Variants in PDE4D observed in about 807,000 individuals in gnomAD.
PDE4D encodes the protein phosphodiesterase 4D.
PDE4D carries 24 observed loss-of-function variants against 87.4 expected under a neutral mutation model. The observed-to-expected ratio is 0.27, with a 90% CI of 0.20 to 0.39. The LOEUF is 0.39. Among genes scored for constraint, PDE4D ranks in the 10% least tolerant of loss-of-function variants. The probability of loss-of-function intolerance (pLI) is 1.00; values close to 1 mark genes in which losing one functional copy is unlikely to be tolerated. For missense variants in PDE4D, 714 were observed against 1,041.0 expected (o/e 0.69, Z 4.32); for synonymous variants, 384 against 383.2 (o/e 1.00, Z -0.02).
chr5:59,273,374 T>C (rs1764214640), intron 1 of PDE4D, among the ~76,000 whole-genome samples: 2 of 152,224 alleles, frequency 1.3e-5, no homozygotes, highest in South Asian at 4.1e-4. Flanking sequence ...CACAAACATA[T>C]ATTTTCTCTA....
chr5:60,055,554 C>A (rs1195719407), intron 2 of PDE4D, among the ~76,000 whole-genome samples: 1 of 152,000 alleles, frequency 6.6e-6, no homozygotes, highest in Non-Finnish European at 1.5e-5. Flanking sequence ...ATTGGAATAA[C>A]CATAAATGTA....
intron 1 of PDE4D, among the ~76,000 whole-genome samples, chr5:59,759,005 A>T (rs1330372741): frequency 6.6e-6 from 1 of 152,196 alleles, no homozygotes; most frequent in Non-Finnish European, 1.5e-5. Flanking sequence ...ATGTGATTTC[A>T]ATATACTGAA....
At chr5:59,659,975 A>G (rs1744979332) in intron 1 of PDE4D, among the ~76,000 whole-genome samples, 1 of 152,146 alleles carries the variant, frequency 6.6e-6, no homozygotes, top group Non-Finnish European at 1.5e-5. Context: ...GCTTGAACTC[A>G]GGAGTTTGAG....
At chr5:59,259,022 G>T (rs1361772124) in intron 1 of PDE4D, among the ~76,000 whole-genome samples, 1 of 151,710 alleles carries the variant, frequency 6.6e-6, no homozygotes, top group African/African-American at 2.4e-5. Context: ...CATTTCACTT[G>T]TGAGAGATCA....
chr5:59,432,591 T>A (rs1424582116), intron 1 of PDE4D, among the ~76,000 whole-genome samples: 4 of 152,124 alleles, frequency 2.6e-5, no homozygotes, highest in Non-Finnish European at 4.4e-5. Context: ...GCCAAGACTA[T>A]CCATTGTTAT....
chr5:59,206,776 C>G (rs1748882019), intron 2 of PDE4D, among the ~76,000 whole-genome samples: 1 of 152,144 alleles, frequency 6.6e-6, no homozygotes, highest in African/African-American at 2.4e-5. Flanking sequence ...AAATGCACAT[C>G]AATTAATACA....
intron 1 of PDE4D, among the ~76,000 whole-genome samples, chr5:60,292,792 T>C (rs1202052505): frequency 6.6e-6 from 1 of 152,194 alleles, no homozygotes; most frequent in African/African-American, 2.4e-5. Context: ...AATTGAGTAA[T>C]ACCATTTATT....
chr5:59,150,469 T>G (rs1779310374), intron 5 of PDE4D, among the ~76,000 whole-genome samples: 1 of 152,200 alleles, frequency 6.6e-6, no homozygotes, highest in Non-Finnish European at 1.5e-5. Context: ...TTACATTCAG[T>G]ACAGATTATT....
In PDE4D at chr5:60,269,692, G is replaced by T. The variant is rs1750613107; in HGVS notation, c.-89-84005C>A. 3.3e-5 allele frequency among the ~76,000 whole-genome samples: 5 copies of T among 152,332 alleles called. No homozygotes were observed. In the South Asian group the frequency reaches 1.0e-3, roughly 32 times the overall value. ...TGGACACTTAAAAACTGCTAAAAGAGTAGATCTCAAATGTTCTTACCACAA... is the reference window on the plus strand; with the variant it reads ...TGGACACTTAAAAACTGCTAAAAGATTAGATCTCAAATGTTCTTACCACAA... On this transcript the variant is annotated intron_variant, in intron 1 of 16. Coordinates refer to the PDE4D transcript ENST00000502484.
At chr5:59,010,228 G>A (rs1333951291) in intron 6 of PDE4D, among the ~76,000 whole-genome samples, 1 of 152,156 alleles carries the variant, frequency 6.6e-6, no homozygotes, top group African/African-American at 2.4e-5. Flanking sequence ...TCGGGAGGCT[G>A]AGGCAGGAGA....
chr5:59,503,208 G>A (rs1269919345), intron 1 of PDE4D, among the ~76,000 whole-genome samples: 1 of 152,120 alleles, frequency 6.6e-6, no homozygotes, highest in Non-Finnish European at 1.5e-5. Context: ...GTATGGCAAA[G>A]TGATAAAAGT....
chr5:59,670,779 T>C (rs776644805), intron 1 of PDE4D, among the ~76,000 whole-genome samples: 1 of 152,178 alleles, frequency 6.6e-6, no homozygotes, highest in Non-Finnish European at 1.5e-5. Flanking sequence ...AATATTTTGG[T>C]TTAATTACTG....
intron 1 of PDE4D, among the ~76,000 whole-genome samples, chr5:60,503,907 C>T (rs1162032269): frequency 6.6e-6 from 1 of 152,032 alleles, no homozygotes; most frequent in East Asian, 1.9e-4. Flanking sequence ...GTTTCTTGAC[C>T]TTTGTAAGCT....
rs956297358 is a variant in PDE4D at position 60,288,039 on chromosome 5, T to G, written c.-89-102352A>C. On this transcript the variant is annotated intron_variant, in intron 1 of 16. Coordinates refer to the PDE4D transcript ENST00000502484. ...TTTAACTAAATCATATTTCTAGAAG[T>G]GATTGAAAGATTCCAATGTAACAAG... Among the ~76,000 whole-genome samples, 3 of 152,318 alleles carry G rather than the reference T, an allele frequency of 2.0e-5. No homozygotes were observed. The East Asian group carries it at 5.8e-4, about 29-fold the overall frequency.
intron 1 of PDE4D, among the ~76,000 whole-genome samples, chr5:60,504,931 C>T (rs946991982): frequency 2.0e-5 from 3 of 152,132 alleles, no homozygotes; most frequent in Non-Finnish European, 4.4e-5. Context: ...CATAAAATGC[C>T]TCATCTGTCT....
chr5:60,518,487 G>A (rs26953), intron 1 of PDE4D, among the ~76,000 whole-genome samples: 111,183 of 152,198 alleles, frequency 0.73, 41,602 homozygotes, highest in African/African-American at 0.9. Flanking sequence ...TATAGAAAGA[G>A]AACAACTAAG....
chr5:60,244,692 A>C (rs1356581126), intron 1 of PDE4D, among the ~76,000 whole-genome samples: 2 of 152,082 alleles, frequency 1.3e-5, no homozygotes, highest in Admixed American at 6.6e-5. Flanking sequence ...AAGAACATAC[A>C]TTAGGGAAAG....
chr5:60,220,019 A>G (rs1425204222), intron 1 of PDE4D, among the ~76,000 whole-genome samples: 2 of 152,212 alleles, frequency 1.3e-5, no homozygotes, highest in Non-Finnish European at 2.9e-5. Context: ...AGTATAGTTC[A>G]CATGTCAGAA....
At chr5:59,665,273 T>C (rs1275551673) in intron 1 of PDE4D, among the ~76,000 whole-genome samples, 3 of 152,232 alleles carry the variant, frequency 2.0e-5, no homozygotes, top group African/African-American at 7.2e-5. Flanking sequence ...TTCAGACTTC[T>C]CTGCTTTATG....
Sources: allele counts gnomAD v4.1 joint callset (sites outside exome capture counted in the v4.1 genomes callset), GRCh38; gene constraint gnomAD v4.1.1; transcripts MANE v1.5; gene names NCBI Gene and HGNC (gene_info 2026-07-23, HGNC 2026-07-21).